Variants in WDFY4 observed in about 807,000 individuals in gnomAD.
The protein encoded by WDFY4 is WD repeat- and FYVE domain-containing protein 4.
A neutral mutation model predicts 351.9 loss-of-function variants in WDFY4; 169 were observed. The observed-to-expected ratio is 0.48, with a 90% CI of 0.42 to 0.55. The LOEUF (loss-of-function observed/expected upper bound fraction) is 0.55, where lower values mean the gene tolerates loss of function less well. Among genes scored for constraint, WDFY4 ranks in the 20% least tolerant of loss-of-function variants. WDFY4 has a pLI of 0.00. For synonymous variants in WDFY4, 1,622 were observed against 1,574.6 expected (o/e 1.03, Z -0.71); for missense variants, 3,803 against 3,935.6 (o/e 0.97, Z 0.90).
Position 48,760,522 on chromosome 10 carries a change from T to C in WDFY4, c.2553+82T>C, listed in dbSNP as rs557556184. On this transcript the variant is annotated intron_variant, in intron 13 of 61. Coordinates refer to ENST00000325239, the MANE Select transcript of WDFY4 (RefSeq NM_001394531.1). ...GCCTTCTGACCCAAGACAGCTTTTTTCCTTTTGTCCGTGTCTTCAGTGCCC... is the reference window on the plus strand; with the variant it reads ...GCCTTCTGACCCAAGACAGCTTTTTCCCTTTTGTCCGTGTCTTCAGTGCCC... 8 of 1,406,346 alleles carry C rather than the reference T, an allele frequency of 5.7e-6. No homozygotes were observed. In the East Asian group the frequency reaches 2.0e-4, roughly 35 times the overall value. 87.1% of individuals were successfully genotyped at this position (1,406,346 alleles called of 1,614,324 possible).
intron 1 of WDFY4, among the ~76,000 whole-genome samples, chr10:48,703,588 C>G (rs977036870): frequency 6.6e-6 from 1 of 152,218 alleles, no homozygotes; most frequent in Non-Finnish European, 1.5e-5. Flanking sequence ...GGTCATTCCA[C>G]ATGTCTTCTT....
intron 51 of WDFY4, among the ~76,000 whole-genome samples, chr10:48,954,202 A>G (rs1469683841): frequency 1.3e-5 from 2 of 152,186 alleles, no homozygotes; most frequent in Non-Finnish European, 2.9e-5. Context: ...TTTACATGTG[A>G]GTGATGTCTT....
Position 48,709,846 on chromosome 10 carries a change from C to T in WDFY4, c.114C>T (p.Ser38=). The T allele has an allele frequency of 6.4e-7, 1 of 1,551,896 alleles. No individual in the cohort carries two copies. Among genetic ancestry groups the T allele is most frequent in the Non-Finnish European group, 8.7e-7 (1 of 1,147,028 alleles). Reference sequence around the variant, plus strand: ...ATGTCCCACATGGAGGGCAGTCCTCCAGCCCCACAGCTCTCTGGGACATGC... The same window carrying T: ...ATGTCCCACATGGAGGGCAGTCCTCTAGCCCCACAGCTCTCTGGGACATGC... ...QPDVPHGGQS[S]SPTALWDMLE... Residue 38 remains serine, a synonymous_variant, in exon 2 of 62, where the codon TCC becomes TCT. Transcript: ENST00000325239.
intron 29 of WDFY4, among the ~76,000 whole-genome samples, chr10:48,811,278 T>G (rs572942200): frequency 2.6e-5 from 4 of 152,336 alleles, no homozygotes; most frequent in African/African-American, 9.6e-5. Flanking sequence ...ACACCCTTGT[T>G]GCCTAATTCA....
In WDFY4 at chr10:48,957,115, TC is replaced by T. The variant is rs1370868600; in HGVS notation, c.7978-12del. On this transcript the variant is annotated splice_polypyrimidine_tract_variant and intron_variant, in intron 51 of 61. Coordinates refer to ENST00000325239, the MANE Select transcript of WDFY4 (RefSeq NM_001394531.1). ...AGTGAGAGCGGCTGGTCATGTTGGC[TC>T]CATTTCCCCCAGGGCGGAAGCTTCG... 2 of 1,545,360 alleles carry T rather than the reference TC, an allele frequency of 1.3e-6. No homozygotes were observed. The highest frequency in any genetic ancestry group is 1.8e-6 in the Non-Finnish European group (2 of 1,142,550).
rs564801453 is a variant in WDFY4, at chr10:48,841,468, T to A, written c.6663+8759T>A. On this transcript the variant is annotated intron_variant, in intron 39 of 61. Transcript: ENST00000325239. The stretch of plus-strand genomic sequence containing the variant: ...TCTAGCTGAGCTTTCCCTTTAAAGG[T>A]ATTTTAGGGCAAATCTTCTAATGTA... Among the ~76,000 whole-genome samples the A allele has an allele frequency of 2.0e-5, 3 of 152,330 alleles. No homozygotes were observed. In the East Asian group the frequency reaches 5.8e-4, roughly 29 times the overall value.
At chr10:48,685,808 G>T (rs756395515) in intron 1 of WDFY4, among the ~76,000 whole-genome samples, 37 of 151,036 alleles carry the variant, frequency 2.4e-4, no homozygotes, top group Non-Finnish European at 8.9e-5. Context: ...CATTCATTTA[G>T]TTATTTAACA....
intron 11 of WDFY4, among the ~76,000 whole-genome samples, chr10:48,741,000 T>C (rs995511587): frequency 5.3e-5 from 8 of 152,254 alleles, no homozygotes; most frequent in Admixed American, 2.0e-4. Flanking sequence ...TTATGGACTT[T>C]GGTCTTTCAT....
intron 51 of WDFY4, among the ~76,000 whole-genome samples, chr10:48,948,082 C>A (rs1841140815): frequency 6.6e-6 from 1 of 152,200 alleles, no homozygotes; most frequent in South Asian, 2.1e-4. Context: ...AAAGCCAACT[C>A]TGAGCCCTGG....
intron 47 of WDFY4, chr10:48,911,008 C>T (rs1462087227): frequency 3.4e-6 from 2 of 587,960 alleles, no homozygotes; most frequent in East Asian, 1.4e-4. Context: ...AATGGAAAGT[C>T]ATCATGTAGC....
chr10:48,953,519 C>T (rs915267587), intron 51 of WDFY4, among the ~76,000 whole-genome samples: 6 of 152,204 alleles, frequency 3.9e-5, no homozygotes, highest in African/African-American at 9.7e-5. Flanking sequence ...TGCTTTCCAC[C>T]GTTGCATACT....
At chr10:48,811,851 A>AGATGGGGTGCT in intron 30 of WDFY4, 143 bp downstream of exon 30, 1 of 836,032 alleles carries the variant, frequency 1.2e-6, no homozygotes, top group Non-Finnish European at 1.8e-6. Context: ...CCTCCCTAGC[A>AGATGGGGTGCT]GCCCACACCC....
chr10:48,740,531 C>G, intron 11 of WDFY4, among the ~76,000 whole-genome samples: 1 of 152,220 alleles, frequency 6.6e-6, no homozygotes, highest in South Asian at 2.1e-4. Flanking sequence ...AAGCCATGAG[C>G]TTTCACTTAT....
At chr10:48,858,583 C>T (rs964511327) in intron 39 of WDFY4, among the ~76,000 whole-genome samples, 5 of 152,138 alleles carry the variant, frequency 3.3e-5, no homozygotes, top group African/African-American at 7.2e-5. Flanking sequence ...CTCTCAGTAC[C>T]GCACATTCTC....
intron 61 of WDFY4, among the ~76,000 whole-genome samples, 176 bp downstream of exon 61, chr10:48,981,654 T>C (rs190840232): frequency 4.6e-5 from 7 of 152,264 alleles, no homozygotes; most frequent in Middle Eastern, 3.4e-3. Context: ...CCAGGAAACG[T>C]TTTTCAGGGT....
chr10:48,976,384 A>G (rs1451050010), intron 58 of WDFY4, among the ~76,000 whole-genome samples: 1 of 152,198 alleles, frequency 6.6e-6, no homozygotes, highest in Admixed American at 6.5e-5. Flanking sequence ...GAACTTCTGT[A>G]CCCTGCCATC....
intron 43 of WDFY4, among the ~76,000 whole-genome samples, chr10:48,887,337 AAG>A (rs2070500177): frequency 6.6e-6 from 1 of 152,204 alleles, no homozygotes; most frequent in African/African-American, 2.4e-5. Flanking sequence ...AAGGTACAAT[AAG>A]AGAAAAAGTT....
At position 48,725,811 on chromosome 10, in the gene WDFY4, G is replaced by A. The variant is rs1288201977; in HGVS notation, c.592-70G>A. The A allele has an allele frequency of 4.2e-6, 6 of 1,429,846 alleles. No homozygotes were observed. In the African/African-American group the frequency reaches 8.5e-5, roughly 20 times the overall value. 88.6% of individuals were successfully genotyped at this position (1,429,846 alleles called of 1,614,324 possible). On this transcript the variant is annotated intron_variant, in intron 5 of 61. Coordinates refer to ENST00000325239, the MANE Select transcript of WDFY4 (RefSeq NM_001394531.1). ...CTCATCAGTGCTCCAGAGAAGTAGG[G>A]AACAAATCCATCTGAGGAAGGAGAC...
intron 44 of WDFY4, among the ~76,000 whole-genome samples, chr10:48,894,985 T>G (rs1167354567): frequency 6.6e-6 from 1 of 152,158 alleles, no homozygotes; most frequent in African/African-American, 2.4e-5. Flanking sequence ...GCAGAAGCAT[T>G]CAGAACCAAA....
Sources: gnomAD v4.1 joint callset for allele counts (sites outside exome capture counted in the v4.1 genomes callset) on GRCh38, gnomAD v4.1.1 for gene constraint, MANE v1.5 for transcripts, NCBI Gene and HGNC (gene_info 2026-07-23, HGNC 2026-07-21) for gene names.